Variants in SERPINB11 observed in about 807,000 individuals in gnomAD.
The protein encoded by SERPINB11 is serpin family B member 11.
A neutral mutation model predicts 36.7 loss-of-function variants in SERPINB11; 32 were observed. The ratio of observed to expected loss-of-function variants is 0.87; its 90% CI spans 0.66 to 1.17. The LOEUF (loss-of-function observed/expected upper bound fraction) is 1.17, where lower values mean the gene tolerates loss of function less well. SERPINB11 is among the 50% of genes most tolerant of loss of function. The pLI, the probability that SERPINB11 is intolerant of heterozygous loss-of-function variation, is 0.00. For missense variants in SERPINB11, 528 were observed against 458.4 expected (o/e 1.15, Z -1.39); for synonymous variants, 174 against 168.1 (o/e 1.04, Z -0.27).
intron 1 of SERPINB11, chr18:63,705,892 G>C (rs1232916830): frequency 2.6e-5 from 4 of 152,324 alleles, no homozygotes; most frequent in African/African-American, 9.6e-5. Context: ...GATTGGAAGT[G>C]CTTTCATTAT....
chr18:63,709,922 T>C (rs1024186254), intron 1 of SERPINB11, among the ~76,000 whole-genome samples: 8 of 152,296 alleles, frequency 5.3e-5, no homozygotes, highest in Admixed American at 1.3e-4. Context: ...TATTTAAAAA[T>C]ATACACAAAT....
At chr18:63,711,442 G>A (rs1459324664) in intron 3 of SERPINB11, 48 bp downstream of exon 3, 3 of 1,375,240 alleles carry the variant, frequency 2.2e-6, no homozygotes, top group East Asian at 2.3e-5. Context: ...CCTAAGAGAA[G>A]GATGAAATAA....
intron 6 of SERPINB11, 151 bp downstream of exon 6, chr18:63,720,306 C>T: frequency 1.4e-6 from 1 of 725,858 alleles, no homozygotes; most frequent in Non-Finnish European, 2.2e-6. Context: ...TTTCATTTTT[C>T]CTTTATTAAG....
rs375959059 is a variant in SERPINB11, at chr18:63,715,580, G to A, written c.358-455G>A. 7.2e-5 allele frequency among the ~76,000 whole-genome samples: 11 copies of A among 152,274 alleles called. No individual in the cohort carries two copies. In the East Asian group the frequency reaches 1.7e-3, roughly 24 times the overall value. ...TTATTAATTATATTTATGGCAGCTT[G>A]TGAGGAGATTGATATATATCATGGG... On this transcript the variant is annotated intron_variant, in intron 4 of 7. Coordinates refer to ENST00000544088, the MANE Select transcript of SERPINB11 (RefSeq NM_001370475.1).
chr18:63,716,304 C>A (rs11663242), intron 5 of SERPINB11, among the ~76,000 whole-genome samples, 152 bp downstream of exon 5: 19,250 of 152,142 alleles, frequency 0.13, 1,528 homozygotes, highest in Middle Eastern at 0.2. Context: ...ATACCCCTTA[C>A]AATCAGTTGT....
intron 6 of SERPINB11, chr18:63,720,382 G>A (rs1057240941): frequency 1.4e-4 from 71 of 500,394 alleles, no homozygotes; most frequent in Middle Eastern, 1.1e-3. Context: ...TCTGGCAGAG[G>A]AGAAAACCCA....
chr18:63,717,996 T>C (rs1265806097), intron 5 of SERPINB11, among the ~76,000 whole-genome samples: 1 of 152,088 alleles, frequency 6.6e-6, no homozygotes, highest in East Asian at 1.9e-4. Context: ...GGATTCATTT[T>C]AAAATTAGTT....
At chr18:63,720,776 A>G in intron 6 of SERPINB11, 55 bp from the exon 7 acceptor site, 4 of 1,312,078 alleles carry the variant, frequency 3.0e-6, no homozygotes, top group South Asian at 1.3e-5. Context: ...TAATCAGTAC[A>G]CACACATGTG....
At chr18:63,720,428 A>G (rs1914779650) in intron 6 of SERPINB11, 1 of 426,372 alleles carries the variant, frequency 2.3e-6, no homozygotes, top group African/African-American at 2.1e-5. Flanking sequence ...TATTCTTTCC[A>G]TATATACTGT....
chr18:63,718,917 G>A (rs1417855968), intron 5 of SERPINB11, among the ~76,000 whole-genome samples: 1 of 151,642 alleles, frequency 6.6e-6, no homozygotes, highest in South Asian at 2.1e-4. Flanking sequence ...CCTCTCTCTT[G>A]TGCTAACTCT....
intron 7 of SERPINB11, 64 bp downstream of exon 7, chr18:63,721,050 A>C: frequency 7.4e-7 from 1 of 1,347,196 alleles, no homozygotes; most frequent in South Asian, 1.3e-5. Flanking sequence ...ACACACACAC[A>C]GACACACTGT....
intron 1 of SERPINB11, among the ~76,000 whole-genome samples, chr18:63,707,026 C>T (rs1204985472): frequency 6.6e-6 from 1 of 152,156 alleles, no homozygotes; most frequent in Non-Finnish European, 1.5e-5. Flanking sequence ...AGCAACCTCT[C>T]CTGTCTTTCT....
Position 63,721,036 on chromosome 18 carries a change from A to G in SERPINB11, c.774+50A>G, listed in dbSNP as rs769169946. On this transcript the variant is annotated intron_variant, in intron 7 of 7. Transcript: ENST00000544088. ...GCAGTTAAAGCATGTGTGCATGTTA[A>G]CACACACACACACAGACACACTGTG... 1.2e-5 allele frequency: 11 copies of G among 926,120 alleles called. No individual in the cohort carries two copies. The East Asian group carries it at 3.7e-4, about 31-fold the overall frequency. 57.4% of individuals were successfully genotyped at this position (926,120 alleles called of 1,614,324 possible).
intron 4 of SERPINB11, among the ~76,000 whole-genome samples, chr18:63,714,567 C>A (rs991261560): frequency 2.6e-5 from 4 of 152,050 alleles, no homozygotes; most frequent in Non-Finnish European, 5.9e-5. Flanking sequence ...CCCCTAGGAA[C>A]GCATTCTCTT....
intron 2 of SERPINB11, 34 bp downstream of exon 2, chr18:63,710,395 A>G (rs1914491771): frequency 6.4e-7 from 1 of 1,567,348 alleles, no homozygotes; most frequent in Non-Finnish European, 8.6e-7. Flanking sequence ...TTCAGAACCC[A>G]GAAGTCTTTC....
Position 63,710,248 on chromosome 18 carries a change from C to G in SERPINB11, c.55C>G (p.Leu19Val), listed in dbSNP as rs1160837972. The G allele has an allele frequency of 1.2e-6, 2 of 1,613,426 alleles. No individual in the cohort carries two copies. The highest frequency in any genetic ancestry group is 1.3e-5 in the African/African-American group (1 of 74,912). ...ATTTTGCCTTGATGTGTTCAAAGAG[C>G]TGAACAGTAACAACATAGGAGATAA... ...VEFCLDVFKE[L>V]NSNNIGDNIF... is the part of the protein sequence containing the mutation. Residue 19 changes from leucine (L) to valine (V), a missense_variant, in exon 2 of 8, where the codon CTG (leucine) becomes GTG (valine). Physicochemically the swap from Leu to Val is conservative, Grantham distance 32. Transcript: ENST00000544088.
intron 1 of SERPINB11, among the ~76,000 whole-genome samples, chr18:63,704,208 CAGA>C (rs1914312594): frequency 1.3e-5 from 2 of 152,156 alleles, no homozygotes; most frequent in African/African-American, 4.8e-5. Context: ...GACAATTTCA[CAGA>C]AGAATTTTCT....
chr18:63,711,153 G>T (rs1395002822), intron 2 of SERPINB11, among the ~76,000 whole-genome samples, 182 bp from the exon 3 acceptor site: 1 of 152,150 alleles, frequency 6.6e-6, no homozygotes, highest in Non-Finnish European at 1.5e-5. Context: ...TACTCATAAA[G>T]TTGTTGGGAA....
chr18:63,708,456 A>G (rs1438664216), intron 1 of SERPINB11, among the ~76,000 whole-genome samples: 1 of 152,194 alleles, frequency 6.6e-6, no homozygotes, highest in East Asian at 1.9e-4. Flanking sequence ...AGATGGGGAA[A>G]ACAGGATTTT....
Sources: gnomAD v4.1 joint callset for allele counts (sites outside exome capture counted in the v4.1 genomes callset) on GRCh38, gnomAD v4.1.1 for gene constraint, MANE v1.5 for transcripts, NCBI Gene and HGNC (gene_info 2026-07-23, HGNC 2026-07-21) for gene names.